LOC400499: variants seen among roughly 807,000 people sequenced by gnomAD.
At chr16:11,500,424 T>C in the LOC400499 span, among the ~76,000 whole-genome samples, 941 of 152,028 alleles carry the variant, frequency 6.2e-3, 12 homozygotes, top group African/African-American at 0.022. Flanking sequence ...GGCAGAAGAA[T>C]TGCTTGAACC....
At chr16:11,420,588 T>G in the LOC400499 span, among the ~76,000 whole-genome samples, 1 of 132,208 alleles carries the variant, frequency 7.6e-6, no homozygotes, top group African/African-American at 3.4e-5. Flanking sequence ...AAAACTTAAA[T>G]AATAATAAAC....
At chr16:11,375,251 A>T in the LOC400499 span, among the ~76,000 whole-genome samples, 1 of 142,196 alleles carries the variant, frequency 7.0e-6, no homozygotes, top group Non-Finnish European at 1.5e-5. Flanking sequence ...ATGTCCTAAC[A>T]CTTGTTATTT....
At chr16:11,505,261 G>A in the LOC400499 span, among the ~76,000 whole-genome samples, 1 of 152,020 alleles carries the variant, frequency 6.6e-6, no homozygotes, top group East Asian at 1.9e-4. Flanking sequence ...ACAGACCTGG[G>A]AAGAAATGCA....
chr16:11,500,920 C>T, the LOC400499 span: 3 of 398,990 alleles, frequency 7.5e-6, no homozygotes, highest in Non-Finnish European at 1.3e-5. Context: ...TTCATGAGGC[C>T]CACACAGTGC....
the LOC400499 span, chr16:11,460,944 C>A: frequency 6.6e-7 from 1 of 1,510,878 alleles, no homozygotes; most frequent in Non-Finnish European, 8.8e-7. Flanking sequence ...TGCCCCGCAA[C>A]CAGGCACGCA....
the LOC400499 span, among the ~76,000 whole-genome samples, chr16:11,395,845 C>G: frequency 1.3e-5 from 2 of 152,084 alleles, no homozygotes; most frequent in Non-Finnish European, 2.9e-5. Context: ...CAGCGGGAAC[C>G]GGTATCCAGA....
At chr16:11,471,823 G>C in the LOC400499 span, 2 of 399,106 alleles carry the variant, frequency 5.0e-6, no homozygotes, top group East Asian at 7.1e-5. Flanking sequence ...GGACACTGCA[G>C]AGAGAGGTAA....
At chr16:11,493,740 G>T in the LOC400499 span, 1 of 395,700 alleles carries the variant, frequency 2.5e-6, no homozygotes, top group Admixed American at 4.5e-5. Flanking sequence ...TCAACGTAGG[G>T]GTGAGAGCCA....
the LOC400499 span, chr16:11,372,624 C>G: frequency 2.0e-6 from 1 of 500,456 alleles, no homozygotes; most frequent in African/African-American, 2.1e-5. Context: ...GCATTCCATG[C>G]TGGTTATTCT....
the LOC400499 span, chr16:11,450,854 G>A: frequency 6.9e-5 from 103 of 1,503,640 alleles, no homozygotes; most frequent in African/African-American, 1.0e-3. Context: ...TCTGGTACAC[G>A]GGGTAGAGAG....
the LOC400499 span, among the ~76,000 whole-genome samples, chr16:11,512,097 T>G: frequency 1.3e-5 from 2 of 150,866 alleles, no homozygotes; most frequent in Non-Finnish European, 2.9e-5. Flanking sequence ...CAGACCACCC[T>G]GATGGTAAAA....
the LOC400499 span, among the ~76,000 whole-genome samples, chr16:11,402,840 G>A: frequency 6.6e-6 from 1 of 152,112 alleles, no homozygotes; most frequent in Non-Finnish European, 1.5e-5. Flanking sequence ...TGAATCAGGA[G>A]CTGATGGGGG....
At chr16:11,464,243 T>A in the LOC400499 span, among the ~76,000 whole-genome samples, 2 of 152,234 alleles carry the variant, frequency 1.3e-5, no homozygotes, top group Non-Finnish European at 2.9e-5. Flanking sequence ...CTTCCCTTTT[T>A]ACAGAAACAG....
At chr16:11,450,752 C>G in the LOC400499 span, 2 of 1,536,164 alleles carry the variant, frequency 1.3e-6, no homozygotes, top group East Asian at 2.4e-5. Context: ...TGGAACACAG[C>G]TCGGTGTGGC....
At chr16:11,476,944 G>T in the LOC400499 span, 1 of 399,008 alleles carries the variant, frequency 2.5e-6, no homozygotes. Flanking sequence ...CTGGAGCAGG[G>T]CACTGAGGGA....
chr16:11,396,795 G>A, the LOC400499 span: 3 of 800,436 alleles, frequency 3.7e-6, no homozygotes, highest in Non-Finnish European at 3.4e-6. Context: ...ACCTGTCGCA[G>A]CTCACAGCTG....
chr16:11,461,258 T>C, the LOC400499 span: 1 of 1,060,184 alleles, frequency 9.4e-7, no homozygotes, highest in South Asian at 1.7e-5. Flanking sequence ...ATGTGCACCC[T>C]GCACAACAGG....
the LOC400499 span, among the ~76,000 whole-genome samples, chr16:11,402,686 G>A: frequency 5.3e-5 from 8 of 152,086 alleles, no homozygotes; most frequent in East Asian, 1.9e-4. Context: ...GCCCAGCCAA[G>A]GCCAGCGGAG....
chr16:11,399,245 G>A, the LOC400499 span: 124 of 984,856 alleles, frequency 1.3e-4, 1 homozygote, highest in Non-Finnish European at 1.2e-4. Context: ...CCAGCATCTC[G>A]GGCCGTTCCC....
Sources: gnomAD v4.1 joint callset for allele counts (sites outside exome capture counted in the v4.1 genomes callset) on GRCh38, gnomAD v4.1.1 for gene constraint, MANE v1.5 for transcripts.